Variants in SULT6B1 observed in about 807,000 individuals in gnomAD.
The protein encoded by SULT6B1 is sulfotransferase 6B1.
A neutral mutation model predicts 37.2 loss-of-function variants in SULT6B1; 44 were observed. The observed-to-expected ratio is 1.18, with a 90% confidence interval of 0.93 to 1.52. The LOEUF is 1.52. Ranked by LOEUF, SULT6B1 falls within the 40% of genes most tolerant of loss-of-function variation. The pLI is 0.00. For synonymous variants in SULT6B1, 140 were observed against 126.0 expected, an observed-to-expected ratio of 1.11 and a Z score of -0.74; for missense variants, 450 against 361.0, an observed-to-expected ratio of 1.25 and a Z score of -2.00.
intron 5 of SULT6B1, among the ~76,000 whole-genome samples, chr2:37,174,539 G>A (rs895034813): frequency 1.3e-5 from 2 of 151,858 alleles, no homozygotes; most frequent in South Asian, 2.1e-4. Flanking sequence ...ATCCTTCCCC[G>A]TGCCTGGCCC....
In SULT6B1 at chr2:37,187,398, G is replaced by T; in HGVS notation, c.269C>A (p.Pro90Gln). The change falls in exon 2 of 7, where the codon CCA becomes CAA. Residue 90 changes from proline to glutamine, a missense_variant. Pro to Gln is a moderately conservative substitution (Grantham distance 76). Coordinates refer to ENST00000535679, the MANE Select transcript of SULT6B1 (RefSeq NM_001367551.1). ...CCCACATTCAAGAACTGGGAATTCTGGATATTTATACTTTTTTTTAGAAAC... is the reference window on the plus strand; with the variant it reads ...CCCACATTCAAGAACTGGGAATTCTTGATATTTATACTTTTTTTTAGAAAC... ...YAVSKKKYKY[P>Q]EFPVLECGDS... 6.2e-7 allele frequency: 1 copy of T among 1,607,854 alleles called. No individual in the cohort carries two copies. Among genetic ancestry groups the T allele is most frequent in the Non-Finnish European group, 8.5e-7 (1 of 1,175,718 alleles).
intron 1 of SULT6B1, among the ~76,000 whole-genome samples, chr2:37,188,021 T>G (rs962539396): frequency 6.6e-6 from 1 of 152,214 alleles, no homozygotes; most frequent in Non-Finnish European, 1.5e-5. Context: ...TGGAGCAATA[T>G]TTGATCCTGA....
At chr2:37,171,145 C>G (rs1012697167) in intron 6 of SULT6B1, among the ~76,000 whole-genome samples, 1 of 152,154 alleles carries the variant, frequency 6.6e-6, no homozygotes, top group African/African-American at 2.4e-5. Flanking sequence ...GAGGCTGAGG[C>G]AGGAGAATCG....
At chr2:37,177,796 T>C (rs1388232862) in intron 4 of SULT6B1, among the ~76,000 whole-genome samples, 2 of 152,224 alleles carry the variant, frequency 1.3e-5, no homozygotes, top group Non-Finnish European at 2.9e-5. Flanking sequence ...TTTCATTGTG[T>C]ATACGGTGAA....
In SULT6B1 at chr2:37,168,046, T is replaced by G; in HGVS notation, c.801A>C (p.Lys267Asn). The G allele has an allele frequency of 6.3e-7, 1 of 1,595,400 alleles. No homozygotes were observed. ...GGTTCTGAATTTCACTGAACAAATT[T>G]TTCCAATCACCAACTTCACCTACAA... Reference protein sequence around the residue: ...LFRKGEVGDWKNLFSEIQNQE... With the variant: ...LFRKGEVGDWNNLFSEIQNQE... The change falls in exon 7 of 7, where the codon AAA (lysine) becomes AAC (asparagine). Residue 267 changes from lysine to asparagine, a missense_variant. By Grantham distance (94) the Lys-to-Asn change is moderately conservative. Coordinates refer to ENST00000535679, the MANE Select transcript of SULT6B1 (RefSeq NM_001367551.1).
intron 1 of SULT6B1, among the ~76,000 whole-genome samples, chr2:37,193,753 G>T (rs1486384648): frequency 1.3e-5 from 2 of 152,190 alleles, no homozygotes; most frequent in African/African-American, 2.4e-5. Flanking sequence ...GTACATATTT[G>T]TTAAAGTGGA....
chr2:37,189,740 C>G (rs975122996), upstream of SULT6B1: 5 of 152,240 alleles, frequency 3.3e-5, no homozygotes, highest in African/African-American at 1.2e-4. Context: ...TCCTAGGGTA[C>G]GCTCTTTCTC....
At position 37,179,568 on chromosome 2, in the gene SULT6B1, C is replaced by A. The variant is rs11569744; in HGVS notation, c.419G>T (p.Arg140Leu). The change falls in exon 4 of 7, where the codon CGA becomes CTA. Residue 140 changes from arginine (R) to leucine (L), a missense_variant. Arg to Leu is a moderately radical substitution (Grantham distance 102, BLOSUM62 -2). Coordinates refer to ENST00000535679, the MANE Select transcript of SULT6B1 (RefSeq NM_001367551.1). ...ENKAKILVIF[R>L]NPKDTAVSFL... ...AGATACTGCTGTATCTTTAGGGTTT[C>A]GAAATATCACCAATATCTAGGGAGC... The A allele has an allele frequency of 6.2e-7, 1 of 1,611,664 alleles. No homozygotes were observed. The highest frequency in any genetic ancestry group is 8.5e-7 in the Non-Finnish European group (1 of 1,179,602).
intron 4 of SULT6B1, among the ~76,000 whole-genome samples, chr2:37,177,111 G>T (rs1676447139): frequency 6.6e-6 from 1 of 152,076 alleles, no homozygotes; most frequent in South Asian, 2.1e-4. Flanking sequence ...TAGGGAAACA[G>T]ATATTCCCTA....
At chr2:37,175,637 C>T (rs888855347) in intron 4 of SULT6B1, among the ~76,000 whole-genome samples, 1 of 152,044 alleles carries the variant, frequency 6.6e-6, no homozygotes, top group Non-Finnish European at 1.5e-5. Context: ...TAGCCATATA[C>T]GTAATTTTAA....
chr2:37,171,691 T>C, intron 5 of SULT6B1, 101 bp from the exon 6 acceptor site: 1 of 1,046,968 alleles, frequency 9.6e-7, no homozygotes, highest in East Asian at 2.6e-5. Flanking sequence ...CCTAACTCCC[T>C]AGTTCATCTC....
intron 6 of SULT6B1, among the ~76,000 whole-genome samples, chr2:37,169,638 G>A (rs180714109): frequency 0.023 from 3,557 of 152,094 alleles, 64 homozygotes; most frequent in Middle Eastern, 0.058. Flanking sequence ...ACAGGCGCCC[G>A]CCACCACGTC....
chr2:37,168,643 G>T (rs1676232505), intron 6 of SULT6B1, among the ~76,000 whole-genome samples: 1 of 152,110 alleles, frequency 6.6e-6, no homozygotes, highest in Admixed American at 6.6e-5. Context: ...TCCACTTTTT[G>T]AGAATGATAT....
intron 3 of SULT6B1, among the ~76,000 whole-genome samples, chr2:37,179,856 A>G (rs1447074214): frequency 3.9e-5 from 6 of 152,200 alleles, no homozygotes; most frequent in Admixed American, 3.3e-4. Context: ...GTAAAAAGGA[A>G]AAAAAGACCA....
At chr2:37,195,280 C>T (rs1299634871) in intron 1 of SULT6B1, among the ~76,000 whole-genome samples, 1 of 152,118 alleles carries the variant, frequency 6.6e-6, no homozygotes, top group African/African-American at 2.4e-5. Context: ...CTTTGTCATC[C>T]TGGTACTTTT....
intron 5 of SULT6B1, among the ~76,000 whole-genome samples, chr2:37,172,428 G>C (rs1676324730): frequency 1.3e-5 from 2 of 152,078 alleles, no homozygotes; most frequent in African/African-American, 4.8e-5. Context: ...ACAAGTTTCA[G>C]AAACATTATT....
intron 2 of SULT6B1, among the ~76,000 whole-genome samples, chr2:37,184,499 A>G (rs982273900): frequency 2.0e-5 from 3 of 152,226 alleles, no homozygotes; most frequent in African/African-American, 7.2e-5. Context: ...GCAGGGAAGT[A>G]AGGCTTCAAG....
upstream of SULT6B1, among the ~76,000 whole-genome samples, chr2:37,191,442 T>C (rs576932109): frequency 2.6e-5 from 4 of 152,078 alleles, no homozygotes; most frequent in Non-Finnish European, 5.9e-5. Flanking sequence ...CTCAGGCCCA[T>C]AGGCTCCACG....
intron 3 of SULT6B1, among the ~76,000 whole-genome samples, chr2:37,180,095 G>C (rs1676517886): frequency 6.6e-6 from 1 of 152,196 alleles, no homozygotes; most frequent in South Asian, 2.1e-4. Context: ...CTTTGGATGA[G>C]TAGCATGAAA....
Sources: gnomAD v4.1 joint callset for allele counts (sites outside exome capture counted in the v4.1 genomes callset) on GRCh38, gnomAD v4.1.1 for gene constraint, MANE v1.5 for transcripts, NCBI Gene and HGNC (gene_info 2026-07-23, HGNC 2026-07-21) for gene names.